The following DMD variants were observed in gnomAD, a reference collection of about 807,000 sequenced individuals.
DMD encodes the protein dystrophin, also known as mutant dystrophin.
DMD carries 63 observed loss-of-function variants against 330.1 expected under a neutral mutation model. That is an observed-to-expected ratio of 0.19 (90% CI 0.16 to 0.24). DMD has a LOEUF of 0.24. Ranked by LOEUF, DMD falls within the 10% of genes least tolerant of loss-of-function variation. DMD has a pLI of 1.00. For synonymous variants in DMD, 1,223 were observed against 959.8 expected, an observed-to-expected ratio of 1.27 and a Z score of -5.07; for missense variants, 3,344 against 2,684.1, an observed-to-expected ratio of 1.25 and a Z score of -5.43.
chrX:31,903,465 G>A (rs1046282299), intron 47 of DMD, among the ~76,000 whole-genome samples: 9 of 111,350 alleles, frequency 8.1e-5, no homozygotes, highest in Admixed American at 1.9e-4. Flanking sequence ...AAAAATATTC[G>A]CAATATTATA....
intron 62 of DMD, among the ~76,000 whole-genome samples, chrX:31,301,182 AG>A (rs2054613184): frequency 9.0e-6 from 1 of 111,731 alleles, no homozygotes; most frequent in African/African-American, 3.3e-5. Context: ...CTTCACAAGG[AG>A]GATGCGAAGA....
At chrX:31,228,461 C>G (rs35373515) in intron 63 of DMD, among the ~76,000 whole-genome samples, 2 of 110,323 alleles carry the variant, frequency 1.8e-5, no homozygotes, top group East Asian at 2.9e-4. Context: ...TGCTAGGAGT[C>G]TGCAGCACCA....
At chrX:32,195,955 T>C (rs2096997817) in intron 44 of DMD, among the ~76,000 whole-genome samples, 1 of 112,027 alleles carries the variant, frequency 8.9e-6, no homozygotes, top group Non-Finnish European at 1.9e-5. Context: ...AAGTCATTTG[T>C]TACTATCTAT....
At chrX:31,747,376 T>C (rs984067184) in intron 51 of DMD, among the ~76,000 whole-genome samples, 1 of 111,869 alleles carries the variant, frequency 8.9e-6, no homozygotes, top group African/African-American at 3.2e-5. Flanking sequence ...ATAGAATATA[T>C]TTCCCTATAG....
intron 1 of DMD, among the ~76,000 whole-genome samples, chrX:33,103,392 C>T (rs889355493): frequency 1.8e-5 from 2 of 110,521 alleles, no homozygotes; most frequent in Non-Finnish European, 3.8e-5. Context: ...CTGTTCCTGC[C>T]TTAACTGATG....
chrX:32,171,280 G>A (rs962407828), intron 44 of DMD, among the ~76,000 whole-genome samples: 7 of 111,125 alleles, frequency 6.3e-5, no homozygotes, highest in Admixed American at 2.9e-4. Context: ...CTGTTAATAC[G>A]GCTGACACAG....
chrX:31,609,854 T>G (rs769460355), intron 55 of DMD, among the ~76,000 whole-genome samples: 1 of 111,729 alleles, frequency 9.0e-6, no homozygotes, highest in African/African-American at 3.2e-5. Context: ...TGACATGACT[T>G]CTGTCAGACT....
chrX:32,569,430 G>A (rs778319265), intron 15 of DMD, among the ~76,000 whole-genome samples: 90 of 111,591 alleles, frequency 8.1e-4, no homozygotes, highest in South Asian at 1.5e-3. Context: ...CTATTACAGA[G>A]GTTCTCATCT....
chrX:31,658,185 T>C (rs1263732523), intron 53 of DMD, 41 bp from the exon 54 acceptor site: 1 of 1,194,371 alleles, frequency 8.4e-7, no homozygotes, highest in South Asian at 1.8e-5. Context: ...GTCAGTTTTT[T>C]TTATGAAATC....
chrX:33,312,856 T>C (rs781590204), intron 1 of DMD, among the ~76,000 whole-genome samples: 5 of 111,866 alleles, frequency 4.5e-5, no homozygotes, highest in Admixed American at 9.5e-5. Context: ...ACCTATTTTC[T>C]TTCTAAGGTA....
At chrX:32,512,284 T>C (rs940164113) in intron 18 of DMD, among the ~76,000 whole-genome samples, 9 of 111,999 alleles carry the variant, frequency 8.0e-5, no homozygotes, top group Non-Finnish European at 1.5e-4. Context: ...TATGGATCTC[T>C]ATCAGTCCTA....
At chrX:31,332,836 C>T (rs983468284) in intron 61 of DMD, among the ~76,000 whole-genome samples, 2 of 111,692 alleles carry the variant, frequency 1.8e-5, no homozygotes, top group Admixed American at 9.5e-5. Flanking sequence ...CCAACTCCTA[C>T]GTTTATAATT....
chrX:32,872,275 G>T (rs887809583), intron 2 of DMD, among the ~76,000 whole-genome samples: 2 of 111,706 alleles, frequency 1.8e-5, no homozygotes, highest in African/African-American at 6.5e-5. Flanking sequence ...GACCTGCTAA[G>T]CTGCAATGAC....
intron 7 of DMD, among the ~76,000 whole-genome samples, chrX:32,725,657 A>AAG (rs935819309): frequency 2.4e-4 from 27 of 111,198 alleles, no homozygotes; most frequent in Non-Finnish European, 4.2e-4. Context: ...ATTAGAGCTA[A>AAG]AGAGAGAGAG....
At chrX:31,465,206 T>C (rs2066770714) in intron 59 of DMD, among the ~76,000 whole-genome samples, 1 of 111,896 alleles carries the variant, frequency 8.9e-6, no homozygotes, top group East Asian at 2.8e-4. Flanking sequence ...GTCAGGATTT[T>C]TTTTTTATTA....
At chrX:32,108,054 T>G (rs1364530473) in intron 44 of DMD, among the ~76,000 whole-genome samples, 1 of 111,450 alleles carries the variant, frequency 9.0e-6, no homozygotes, top group Non-Finnish European at 1.9e-5. Context: ...GTCCCAAACT[T>G]TAAAAAACAT....
At chrX:33,055,675 A>G (rs2094508662) in intron 1 of DMD, among the ~76,000 whole-genome samples, 1 of 111,493 alleles carries the variant, frequency 9.0e-6, no homozygotes, top group Admixed American at 9.6e-5. Flanking sequence ...GCGGGCTACT[A>G]TTACAAATAC....
intron 62 of DMD, among the ~76,000 whole-genome samples, chrX:31,295,162 A>T (rs1315911766): frequency 9.3e-6 from 1 of 108,043 alleles, no homozygotes; most frequent in Non-Finnish European, 1.9e-5. Context: ...CACCTGGCTA[A>T]TTTTTTGTAT....
intron 68 of DMD, 76 bp downstream of exon 68, chrX:31,182,662 G>C: frequency 2.0e-6 from 2 of 1,008,881 alleles, no homozygotes; most frequent in South Asian, 1.9e-5. Context: ...AACTGGCACA[G>C]GAGATAAAAG....
Sources: gnomAD v4.1 joint callset for allele counts (sites outside exome capture counted in the v4.1 genomes callset) on GRCh38, gnomAD v4.1.1 for gene constraint, MANE v1.5 for transcripts, NCBI Gene and HGNC (gene_info 2026-07-23, HGNC 2026-07-21) for gene names.